FBXO34: variants seen among roughly 807,000 people sequenced by gnomAD.
FBXO34 encodes F-box only protein 34.
A neutral mutation model predicts 24.5 loss-of-function variants in FBXO34; 12 were observed. The observed-to-expected ratio is 0.49, with a 90% confidence interval of 0.31 to 0.79. FBXO34 has a LOEUF of 0.79. FBXO34 is among the 30% of genes least tolerant of loss of function. The pLI, the probability that FBXO34 is intolerant of heterozygous loss-of-function variation, is 0.04. For synonymous variants in FBXO34, 320 were observed against 311.9 expected (o/e 1.03, Z -0.27); for missense variants, 823 against 857.7 (o/e 0.96, Z 0.51).
At chr14:55,292,899 T>A (rs1246400447) in intron 1 of FBXO34, among the ~76,000 whole-genome samples, 1 of 152,154 alleles carries the variant, frequency 6.6e-6, no homozygotes, top group African/African-American at 2.4e-5. Flanking sequence ...TCCTTTTTTT[T>A]TGAAACGGAG....
At position 55,331,799 on chromosome 14, in the gene FBXO34, A is replaced by T. The variant is rs373755156; in HGVS notation, c.-10-18582A>T. Among the ~76,000 whole-genome samples the T allele has an allele frequency of 1.1e-4, 5 of 45,986 alleles. 1 individual carries two copies. Among genetic ancestry groups the T allele is most frequent in the South Asian group, 1.3e-3 (2 of 1,498 alleles). 30.2% of individuals were successfully genotyped at this position (45,986 alleles called of 152,430 possible). A position where few individuals can be genotyped will look rare whatever the true frequency, so the allele number is the denominator to read the frequency against. ...TATATACCACCATGGTGTATATATA[A>T]ATATATATATATATACACCACCGGG... On this transcript the variant is annotated intron_variant, in intron 1 of 1. Coordinates refer to ENST00000313833, the MANE Select transcript of FBXO34 (RefSeq NM_017943.4).
intron 1 of FBXO34, among the ~76,000 whole-genome samples, chr14:55,284,270 T>C (rs1881674545): frequency 6.6e-6 from 1 of 152,138 alleles, no homozygotes; most frequent in Admixed American, 6.6e-5. Context: ...TCCCAGCACT[T>C]TGGAAGGCTG....
At chr14:55,350,355 A>G in intron 1 of FBXO34, 26 bp from the exon 2 acceptor site, 1 of 1,458,548 alleles carries the variant, frequency 6.9e-7, no homozygotes, top group Non-Finnish European at 9.1e-7. Context: ...TGGTTTCTGA[A>G]TCAAATGTGT....
chr14:55,336,390 T>A (rs1883775598), intron 1 of FBXO34, among the ~76,000 whole-genome samples: 1 of 152,212 alleles, frequency 6.6e-6, no homozygotes, highest in Non-Finnish European at 1.5e-5. Flanking sequence ...TGGGAGGGAC[T>A]TCAGATCAGT....
the FBXO34 span, among the ~76,000 whole-genome samples, chr14:55,407,181 T>G: frequency 6.6e-6 from 1 of 152,052 alleles, no homozygotes; most frequent in Non-Finnish European, 1.5e-5. Flanking sequence ...CAGGCTGGAG[T>G]GCAATGGTGT....
At chr14:55,277,630 G>T (rs1447489782) in intron 1 of FBXO34, among the ~76,000 whole-genome samples, 1 of 152,172 alleles carries the variant, frequency 6.6e-6, no homozygotes, top group African/African-American at 2.4e-5. Flanking sequence ...TAACTGGCAT[G>T]TACCACGGGC....
At chr14:55,413,901 G>T in the FBXO34 span, 2 of 459,746 alleles carry the variant, frequency 4.4e-6, no homozygotes, top group South Asian at 3.4e-5. Flanking sequence ...AACATTTGCG[G>T]AGCACTCCTT....
chr14:55,438,030 A>G, the FBXO34 span, among the ~76,000 whole-genome samples: 10,303 of 152,274 alleles, frequency 0.068, 387 homozygotes, highest in Non-Finnish European at 0.088. Context: ...AAATTCATGG[A>G]CTTTATTATG....
chr14:55,407,252 C>G, the FBXO34 span, among the ~76,000 whole-genome samples: 1 of 152,208 alleles, frequency 6.6e-6, no homozygotes, highest in African/African-American at 2.4e-5. Flanking sequence ...CCTCAGCCTC[C>G]TGAGTAGCTG....
intron 1 of FBXO34, among the ~76,000 whole-genome samples, chr14:55,312,954 C>G (rs1324534331): frequency 1.3e-5 from 2 of 152,214 alleles, no homozygotes. Flanking sequence ...ATTTTTGTAG[C>G]TGGCTTGAAT....
chr14:55,369,898 G>T, downstream of FBXO34: 1 of 1,612,720 alleles, frequency 6.2e-7, no homozygotes, highest in Non-Finnish European at 8.5e-7. Context: ...ACTCCTCAAG[G>T]TCTGCTCGTA....
chr14:55,381,953 G>A, the FBXO34 span: 2 of 1,606,016 alleles, frequency 1.2e-6, no homozygotes, highest in Non-Finnish European at 1.7e-6. Context: ...AGGATATGCT[G>A]CTTCTCACCA....
rs1177455517 is a variant in FBXO34, at chr14:55,353,230, T to C, written c.*704T>C. On this transcript the variant is annotated 3_prime_UTR_variant, in exon 2 of 2. Transcript: ENST00000313833. ...ATAATGGACAGCTAACGGAACAATA[T>C]AATCACCACAATGCAGCTAGGATAG... 1 of 167,028 alleles carries C rather than the reference T, an allele frequency of 6.0e-6. No homozygotes were observed. The allele number at this position is 167,028 out of a possible 1,614,324, so 10.3% of individuals were successfully genotyped here.
intron 1 of FBXO34, among the ~76,000 whole-genome samples, chr14:55,279,277 A>C (rs1309957106): frequency 1.5e-5 from 2 of 131,304 alleles, no homozygotes; most frequent in Admixed American, 7.4e-5. Flanking sequence ...CATAAGCGAG[A>C]CTCCGTCAAA....
intron 1 of FBXO34, among the ~76,000 whole-genome samples, chr14:55,323,223 A>T (rs1027691131): frequency 3.5e-3 from 65 of 18,346 alleles, no homozygotes; most frequent in East Asian, 5.5e-3. Flanking sequence ...AAAAAAATAT[A>T]TATTTTTTTT....
At chr14:55,363,894 C>T (rs1884627144), downstream of FBXO34, among the ~76,000 whole-genome samples, 1 of 151,932 alleles carries the variant, frequency 6.6e-6, no homozygotes, top group Non-Finnish European at 1.5e-5. Context: ...ACTCAACTCG[C>T]TCTAGCCCAT....
At chr14:55,411,925 A>AAGGGGG in the FBXO34 span, 2 of 1,136,222 alleles carry the variant, frequency 1.8e-6, no homozygotes, top group Non-Finnish European at 2.5e-6. Flanking sequence ...GATGCCGGCG[A>AAGGGGG]GCCCCCGGAC....
At chr14:55,295,387 A>ATTTTT (rs3051307) in intron 1 of FBXO34, among the ~76,000 whole-genome samples, 3 of 91,382 alleles carry the variant, frequency 3.3e-5, no homozygotes, top group Non-Finnish European at 6.0e-5. Flanking sequence ...ATTCTTTTCT[A>ATTTTT]TTTTTTTTTT....
chr14:55,414,285 C>T, the FBXO34 span: 1 of 949,208 alleles, frequency 1.1e-6, no homozygotes, highest in Non-Finnish European at 1.6e-6. Context: ...GTACTTGTAA[C>T]ATCTACAATT....
Sources: allele counts gnomAD v4.1 joint callset (sites outside exome capture counted in the v4.1 genomes callset), GRCh38; gene constraint gnomAD v4.1.1; transcripts MANE v1.5; gene names NCBI Gene and HGNC (gene_info 2026-07-23, HGNC 2026-07-21).